The following TMEM14B variants were observed in gnomAD, a reference collection of about 807,000 sequenced individuals.
The protein encoded by TMEM14B is transmembrane protein 14B.
TMEM14B carries 9 observed loss-of-function variants against 14.8 expected under a neutral mutation model. The ratio of observed to expected loss-of-function variants is 0.61; its 90% CI spans 0.37 to 1.06. The LOEUF (loss-of-function observed/expected upper bound fraction) is 1.06. Ranked by LOEUF, TMEM14B falls within the 50% of genes least tolerant of loss-of-function variation. The pLI is 0.01. For synonymous variants in TMEM14B, 40 were observed against 51.3 expected (o/e 0.78, Z 0.94); for missense variants, 128 against 143.6 (o/e 0.89, Z 0.56).
intron 1 of TMEM14B, 45 bp from the exon 2 acceptor site, chr6:10,749,157 G>A (rs983502179): frequency 4.5e-6 from 6 of 1,332,412 alleles, no homozygotes; most frequent in African/African-American, 2.9e-5. Context: ...TGACTGCTGG[G>A]GAGCTGTGCT....
intron 4 of TMEM14B, among the ~76,000 whole-genome samples, chr6:10,752,151 C>T (rs1771603698): frequency 1.3e-5 from 2 of 152,006 alleles, no homozygotes; most frequent in South Asian, 4.1e-4. Flanking sequence ...ATGACTTGAG[C>T]CTGCATTTTC....
downstream of TMEM14B, chr6:10,759,278 C>T (rs1771905507): frequency 6.6e-6 from 1 of 152,014 alleles, no homozygotes; most frequent in African/African-American, 2.4e-5. Flanking sequence ...GTTTACTATT[C>T]CCCTACTGAT....
downstream of TMEM14B, among the ~76,000 whole-genome samples, chr6:10,758,238 C>T (rs1041932303): frequency 3.9e-5 from 6 of 152,072 alleles, no homozygotes; most frequent in African/African-American, 1.2e-4. Flanking sequence ...TGAGTCTCAA[C>T]GTTGGCCATT....
chr6:10,755,744 C>T, intron 5 of TMEM14B: 1 of 892,420 alleles, frequency 1.1e-6, no homozygotes, highest in Non-Finnish European at 1.4e-6. Context: ...CACTTGAGGT[C>T]AGGAGTTTGA....
intron 4 of TMEM14B, among the ~76,000 whole-genome samples, chr6:10,754,895 A>G (rs900330071): frequency 3.3e-5 from 5 of 152,234 alleles, no homozygotes; most frequent in African/African-American, 1.2e-4. Context: ...TGGGTTTTGC[A>G]GAAGACAAGT....
At position 10,751,144 on chromosome 6, in the gene TMEM14B, T is replaced by A; in HGVS notation, c.112T>A (p.Ser38Thr). Reference protein sequence around the residue: ...VGYVKTGSVPSLAAGLLFGSL... With the variant: ...VGYVKTGSVPTLAAGLLFGSL... ...TTGCTTCCTTCTAGGCAGCGTGCCGTCCCTGGCTGCAGGGCTGCTCTTCGG... is the reference window on the plus strand; with the variant it reads ...TTGCTTCCTTCTAGGCAGCGTGCCGACCCTGGCTGCAGGGCTGCTCTTCGG... The change falls in exon 4 of 6, where the codon TCC becomes ACC. Residue 38 changes from serine to threonine, a missense_variant. Physicochemically the swap from Ser to Thr is moderately conservative, Grantham distance 58. Coordinates refer to ENST00000379542, the MANE Select transcript of TMEM14B (RefSeq NM_030969.5). 6.2e-7 allele frequency: 1 copy of A among 1,613,826 alleles called. No homozygotes were observed. Among genetic ancestry groups the A allele is most frequent in the Non-Finnish European group, 8.5e-7 (1 of 1,180,006 alleles).
rs1771822055 is a variant in TMEM14B, at chr6:10,756,795, A to G, written c.*277A>G. The G allele has an allele frequency of 1.9e-6, 2 of 1,055,756 alleles. No individual in the cohort carries two copies. The highest frequency in any genetic ancestry group is 3.4e-5 in the African/African-American group (2 of 59,180). The allele number at this position is 1,055,756 out of a possible 1,614,324, so 65.4% of individuals were successfully genotyped here. ...TTTCTGTATCTATAGGTAAATCTCA[A>G]GGGTAAAATGTTAGGTGTTGACATT... On this transcript the variant is annotated 3_prime_UTR_variant, in exon 6 of 6. Transcript: ENST00000379542.
rs867837305 is a variant in TMEM14B at position 10,753,707 on chromosome 6, T to C, written c.203-1435T>C. On this transcript the variant is annotated intron_variant, in intron 4 of 5. Transcript: ENST00000379542. ...TAACCTCATGGCCACACACTCCCCC[T>C]GTCTTCTGTTCTCCATCCATTCGGT... Among the ~76,000 whole-genome samples, 51 of 152,140 alleles carry C rather than the reference T, an allele frequency of 3.4e-4. 1 individual carries two copies. Among genetic ancestry groups the C allele is most frequent in the African/African-American group, 1.1e-3 (44 of 41,426 alleles).
At chr6:10,755,405 A>G (rs1735034600) in intron 5 of TMEM14B, 173 bp downstream of exon 5, 3 of 1,505,448 alleles carry the variant, frequency 2.0e-6, no homozygotes, top group African/African-American at 1.4e-5. Flanking sequence ...TTTAATGTCA[A>G]ATGACATGAG....
chr6:10,751,291 A>G, intron 4 of TMEM14B, 57 bp downstream of exon 4: 3 of 1,595,106 alleles, frequency 1.9e-6, no homozygotes, highest in African/African-American at 2.7e-5. Context: ...ATTCTTTTCC[A>G]AAAGACCCTG....
intron 3 of TMEM14B, among the ~76,000 whole-genome samples, chr6:10,750,286 T>A (rs1310303323): frequency 6.6e-6 from 1 of 151,854 alleles, no homozygotes; most frequent in Non-Finnish European, 1.5e-5. Context: ...TAGAAAGTGT[T>A]GTACTTGAGC....
rs1771458149 is a variant in TMEM14B at position 10,749,279 on chromosome 6, A to G, written c.23+11A>G. On this transcript the variant is annotated intron_variant, in intron 2 of 5. Transcript: ENST00000379542. ...GCCCCTCTTCCCATTGTGAGTAGAC[A>G]GTAAATGGTTAGAGAGTAGCCAGGA... 2 of 1,614,012 alleles carry G rather than the reference A, an allele frequency of 1.2e-6. No homozygotes were observed. Among genetic ancestry groups the G allele is most frequent in the African/African-American group, 1.3e-5 (1 of 74,938 alleles).
chr6:10,752,521 G>A (rs576656586), intron 4 of TMEM14B, among the ~76,000 whole-genome samples: 24 of 149,234 alleles, frequency 1.6e-4, no homozygotes, highest in Non-Finnish European at 3.3e-4. Context: ...CAGTGGCGCG[G>A]TCTTGGCTCA....
At chr6:10,758,468 C>G (rs759957240), downstream of TMEM14B, among the ~76,000 whole-genome samples, 3 of 152,200 alleles carry the variant, frequency 2.0e-5, no homozygotes, top group Non-Finnish European at 4.4e-5. Flanking sequence ...TAGCCCTTGC[C>G]AAGTGCCCTC....
chr6:10,754,573 C>G (rs141261996), intron 4 of TMEM14B, among the ~76,000 whole-genome samples: 65 of 152,314 alleles, frequency 4.3e-4, no homozygotes, highest in Non-Finnish European at 5.4e-4. Flanking sequence ...ATAGGTTGAT[C>G]CCCCTGTTGA....
chr6:10,755,535 TG>T, intron 5 of TMEM14B: 1 of 1,357,464 alleles, frequency 7.4e-7, no homozygotes, highest in Non-Finnish European at 9.4e-7. Flanking sequence ...GGAGGATGTG[TG>T]GGGGTCCCAT....
intron 4 of TMEM14B, among the ~76,000 whole-genome samples, chr6:10,752,256 T>A (rs1424434914): frequency 6.6e-6 from 1 of 151,934 alleles, no homozygotes; most frequent in East Asian, 1.9e-4. Flanking sequence ...GAGCCTTTAA[T>A]CTCCAAGCCT....
chr6:10,758,678 G>A (rs1346239772), downstream of TMEM14B, among the ~76,000 whole-genome samples: 1 of 152,102 alleles, frequency 6.6e-6, no homozygotes, highest in Non-Finnish European at 1.5e-5. Context: ...GAGGGGAGTG[G>A]GCATTTCTGT....
chr6:10,755,057 T>C (rs114977517), intron 4 of TMEM14B, 85 bp from the exon 5 acceptor site: 16,334 of 1,423,112 alleles, frequency 0.011, 132 homozygotes, highest in Non-Finnish European at 0.013. Context: ...GCGTGAGCCT[T>C]GAGAGATTGG....
Sources: gnomAD v4.1 joint callset for allele counts (sites outside exome capture counted in the v4.1 genomes callset) on GRCh38, gnomAD v4.1.1 for gene constraint, MANE v1.5 for transcripts, NCBI Gene and HGNC (gene_info 2026-07-23, HGNC 2026-07-21) for gene names.